PTPRG: variants seen among roughly 807,000 people sequenced by gnomAD.
The protein encoded by PTPRG is protein tyrosine phosphatase receptor type G.
Under a neutral mutation model 165.3 loss-of-function variants are expected in PTPRG, and 102 were observed. The observed-to-expected ratio is 0.62, with a 90% CI of 0.53 to 0.73. The LOEUF is 0.73. Among genes scored for constraint, PTPRG ranks in the 30% least tolerant of loss-of-function variants. The probability of loss-of-function intolerance (pLI) is 0.00; values close to 1 mark genes in which losing one functional copy is unlikely to be tolerated. For missense variants in PTPRG, 1,866 were observed against 1,861.4 expected (o/e 1.00, Z -0.05); for synonymous variants, 675 against 669.5 (o/e 1.01, Z -0.13).
At chr3:61,889,381 T>G (rs1319784702) in intron 2 of PTPRG, among the ~76,000 whole-genome samples, 1 of 152,224 alleles carries the variant, frequency 6.6e-6, no homozygotes, top group Admixed American at 6.5e-5. Flanking sequence ...TCAAATTGAT[T>G]GTCCCAGATT....
chr3:61,619,028 G>A (rs1454544229), intron 1 of PTPRG, among the ~76,000 whole-genome samples: 10 of 150,392 alleles, frequency 6.6e-5, no homozygotes, highest in African/African-American at 9.8e-5. Context: ...GTGTTGGTGC[G>A]CATCTGTGGT....
intron 2 of PTPRG, among the ~76,000 whole-genome samples, chr3:61,774,786 T>C (rs2034318305): frequency 6.6e-6 from 1 of 152,204 alleles, no homozygotes. Flanking sequence ...ATATGGCTAT[T>C]GAGCAGCTTC....
At chr3:61,708,411 A>G (rs1442070679) in intron 1 of PTPRG, among the ~76,000 whole-genome samples, 1 of 137,986 alleles carries the variant, frequency 7.2e-6, no homozygotes, top group Non-Finnish European at 1.6e-5. Context: ...AACTTCTTAT[A>G]TCTTCCCTAA....
intron 5 of PTPRG, among the ~76,000 whole-genome samples, chr3:62,114,198 C>T (rs1195669659): frequency 6.6e-6 from 1 of 152,094 alleles, no homozygotes; most frequent in Non-Finnish European, 1.5e-5. Context: ...ACTTGGGAGG[C>T]TGAGGCAGGA....
At chr3:61,859,273 C>G (rs1369822639) in intron 2 of PTPRG, among the ~76,000 whole-genome samples, 1 of 151,848 alleles carries the variant, frequency 6.6e-6, no homozygotes, top group Non-Finnish European at 1.5e-5. Flanking sequence ...TATGAAAGAC[C>G]TTAGGTTATT....
intron 8 of PTPRG, among the ~76,000 whole-genome samples, chr3:62,168,912 G>T (rs901984495): frequency 3.9e-4 from 59 of 152,092 alleles, no homozygotes; most frequent in African/African-American, 1.4e-3. Flanking sequence ...GCTCTCAGCA[G>T]GATGTATAGG....
intron 2 of PTPRG, among the ~76,000 whole-genome samples, chr3:61,934,357 C>G (rs574749421): frequency 3.3e-5 from 5 of 152,048 alleles, no homozygotes; most frequent in African/African-American, 1.2e-4. Flanking sequence ...CTAATACTGA[C>G]TGTGCTATTC....
intron 2 of PTPRG, among the ~76,000 whole-genome samples, chr3:61,843,146 A>G (rs983060652): frequency 6.6e-5 from 10 of 152,204 alleles, no homozygotes; most frequent in African/African-American, 9.7e-5. Context: ...CCGAATGTCA[A>G]TTTAAATTTT....
chr3:61,857,378 T>A (rs1267578475), intron 2 of PTPRG, among the ~76,000 whole-genome samples: 1 of 152,144 alleles, frequency 6.6e-6, no homozygotes, highest in Non-Finnish European at 1.5e-5. Context: ...CAACTGGTAG[T>A]GGCTCTCTAC....
intron 4 of PTPRG, among the ~76,000 whole-genome samples, chr3:62,005,594 C>A (rs964224289): frequency 6.6e-6 from 1 of 151,834 alleles, no homozygotes; most frequent in Non-Finnish European, 1.5e-5. Context: ...GAACTGGGAA[C>A]CTTGCCTCTG....
intron 5 of PTPRG, among the ~76,000 whole-genome samples, chr3:62,097,215 G>A (rs1702148219): frequency 6.6e-6 from 1 of 152,188 alleles, no homozygotes; most frequent in Non-Finnish European, 1.5e-5. Context: ...AGATAGGCTT[G>A]GTAAAGGACG....
At chr3:61,764,069 T>C (rs780659285) in intron 2 of PTPRG, among the ~76,000 whole-genome samples, 4 of 152,114 alleles carry the variant, frequency 2.6e-5, no homozygotes, top group Non-Finnish European at 5.9e-5. Context: ...ATAGGCATTA[T>C]AGAGGAACCA....
At chr3:62,055,006 A>C (rs1429540927) in intron 4 of PTPRG, among the ~76,000 whole-genome samples, 2 of 152,210 alleles carry the variant, frequency 1.3e-5, no homozygotes, top group Non-Finnish European at 2.9e-5. Context: ...GGTAGCACTT[A>C]ATTTGAATCT....
At chr3:61,889,950 A>G (rs2038162405) in intron 2 of PTPRG, among the ~76,000 whole-genome samples, 1 of 152,228 alleles carries the variant, frequency 6.6e-6, no homozygotes, top group Admixed American at 6.5e-5. Flanking sequence ...GATGGGGGGC[A>G]TTCTCTCTGA....
chr3:61,962,305 T>C (rs540911989), intron 2 of PTPRG, among the ~76,000 whole-genome samples: 11 of 152,304 alleles, frequency 7.2e-5, no homozygotes, highest in African/African-American at 2.6e-4. Context: ...AGCATATCAA[T>C]TTTTCTTAAT....
chr3:62,017,120 A>G (rs1157516284), intron 4 of PTPRG, among the ~76,000 whole-genome samples: 1 of 152,176 alleles, frequency 6.6e-6, no homozygotes, highest in Non-Finnish European at 1.5e-5. Flanking sequence ...CTTGGCTGCT[A>G]ATGAACATAG....
chr3:61,888,623 A>G (rs1459199178), intron 2 of PTPRG, among the ~76,000 whole-genome samples: 3 of 152,164 alleles, frequency 2.0e-5, no homozygotes, highest in Admixed American at 6.5e-5. Flanking sequence ...GAGCCACAGT[A>G]CCCAGCCAAA....
chr3:61,732,712 ATAAATAAAT>A (rs1260665919), intron 1 of PTPRG, among the ~76,000 whole-genome samples: 2 of 8,644 alleles, frequency 2.3e-4, no homozygotes, highest in Non-Finnish European at 5.1e-4. Flanking sequence ...CCGTCTCAAA[ATAAATAAAT>A]AAATAAATAA....
intron 2 of PTPRG, among the ~76,000 whole-genome samples, chr3:61,860,434 C>CTT (rs766688465): frequency 0.055 from 5,224 of 95,376 alleles, 103 homozygotes; most frequent in Non-Finnish European, 0.063. Context: ...GTTTTTGTTC[C>CTT]TTTTTTTTTT....
Sources: allele counts gnomAD v4.1 joint callset (sites outside exome capture counted in the v4.1 genomes callset), GRCh38; gene constraint gnomAD v4.1.1; transcripts MANE v1.5; gene names NCBI Gene and HGNC (gene_info 2026-07-23, HGNC 2026-07-21).